Variants in WDSUB1 observed in about 807,000 individuals in gnomAD.
The protein encoded by WDSUB1 is WD repeat, SAM and U-box domain-containing protein 1.
In WDSUB1, 49 loss-of-function variants were observed where a neutral mutation model predicts 53.9. That is an observed-to-expected ratio of 0.91 (90% CI 0.72 to 1.15). The LOEUF is 1.15. Ranked by LOEUF, WDSUB1 falls within the 50% of genes most tolerant of loss-of-function variation. WDSUB1 has a pLI of 0.00. For synonymous variants in WDSUB1, 194 were observed against 200.6 expected, an observed-to-expected ratio of 0.97 and a Z score of 0.28; for missense variants, 514 against 562.0, an observed-to-expected ratio of 0.91 and a Z score of 0.86.
chr2:159,242,673 G>A (rs1356144968), intron 10 of WDSUB1, among the ~76,000 whole-genome samples: 2 of 147,608 alleles, frequency 1.4e-5, no homozygotes, highest in Non-Finnish European at 2.9e-5. Flanking sequence ...AATAAAGTAT[G>A]CATCATAACT....
Position 159,286,683 on chromosome 2 carries a change from G to C in WDSUB1, c.-125C>G, listed in dbSNP as rs2061809905. Reference sequence around the variant, plus strand: ...GGCTGGCGGGGCGGGCGCCGGCGGAGACCCAGAGCAGAGGGAACAGGCCCC... The same window carrying C: ...GGCTGGCGGGGCGGGCGCCGGCGGACACCCAGAGCAGAGGGAACAGGCCCC... On this transcript the variant is annotated 5_prime_UTR_variant, in exon 1 of 11. Transcript: ENST00000359774. 6.6e-6 allele frequency: 1 copy of C among 152,394 alleles called. No homozygotes were observed. Among genetic ancestry groups the C allele is most frequent in the Non-Finnish European group, 1.5e-5 (1 of 68,288 alleles). 9.4% of individuals were successfully genotyped at this position (152,394 alleles called of 1,614,324 possible).
intron 5 of WDSUB1, among the ~76,000 whole-genome samples, chr2:159,261,050 C>G (rs967784672): frequency 6.6e-6 from 1 of 152,136 alleles, no homozygotes; most frequent in African/African-American, 2.4e-5. Context: ...AACACAAGAA[C>G]TTGGGAAGCA....
At position 159,256,292 on chromosome 2, in the gene WDSUB1, A is replaced by C. The variant is rs757222633; in HGVS notation, c.1036T>G (p.Leu346Val). 6.2e-7 allele frequency: 1 copy of C among 1,612,202 alleles called. No individual in the cohort carries two copies. The highest frequency in any genetic ancestry group is 8.5e-7 in the Non-Finnish European group (1 of 1,179,294). The change falls in exon 9 of 11, where the codon TTA becomes GTA. Residue 346 changes from leucine (L) to valine (V), a missense_variant. Transcript: ENST00000359774. ...TTGAAAATACCAACAAGATCTTTTA[A>C]ATCTTGTGCACAAAGCCATGTTGAG... ...DVSTWLCAQD[L>V]KDLVGIFKMN...
chr2:159,255,454 G>C, intron 9 of WDSUB1, among the ~76,000 whole-genome samples: 1 of 151,922 alleles, frequency 6.6e-6, no homozygotes, highest in Middle Eastern at 3.4e-3. Context: ...GTGACAGAGC[G>C]AGACTCCATC....
chr2:159,271,665 T>C (rs747317130), intron 5 of WDSUB1, 37 bp downstream of exon 5: 2 of 1,545,840 alleles, frequency 1.3e-6, no homozygotes, highest in Non-Finnish European at 8.9e-7. Context: ...TGATTTCATA[T>C]AAAAATGGTT....
At chr2:159,283,382 A>G (rs564052271) in intron 1 of WDSUB1, among the ~76,000 whole-genome samples, 12 of 152,284 alleles carry the variant, frequency 7.9e-5, no homozygotes, top group African/African-American at 2.6e-4. Context: ...GGCGCAGTTC[A>G]TAATAGGGTT....
intron 1 of WDSUB1, among the ~76,000 whole-genome samples, chr2:159,284,091 C>G (rs1302771596): frequency 6.6e-6 from 1 of 152,144 alleles, no homozygotes; most frequent in Non-Finnish European, 1.5e-5. Context: ...GGATAACCAG[C>G]GTGAGCCACC....
rs111752652 is a variant in WDSUB1 at position 159,280,708 on chromosome 2, A to AAAAAAAAAAAAAAAAAAAAAC, written c.399-764_399-763insGTTTTTTTTTTTTTTTTTTTT. 9.7e-4 allele frequency among the ~76,000 whole-genome samples: 130 copies of AAAAAAAAAAAAAAAAAAAAAC among 134,298 alleles called. 7 individuals are homozygous for AAAAAAAAAAAAAAAAAAAAAC. Among genetic ancestry groups the AAAAAAAAAAAAAAAAAAAAAC allele is most frequent in the Middle Eastern group, 3.8e-3 (1 of 262 alleles). The allele number at this position is 134,298 out of a possible 152,430, so 88.1% of individuals were successfully genotyped here. A position where few individuals can be genotyped will look rare whatever the true frequency, so the allele number is the denominator to read the frequency against. On this transcript the variant is annotated intron_variant, in intron 2 of 10. Transcript: ENST00000359774. ...TCCGTCTCAAAAAAAAAAAAAAAAA[A>AAAAAAAAAAAAAAAAAAAAAC]ATTACCCAGAAGCAATGGCGAGGTC... is the stretch of plus-strand genomic sequence containing the variant.
intron 10 of WDSUB1, among the ~76,000 whole-genome samples, chr2:159,246,071 A>G (rs1409697959): frequency 6.6e-6 from 1 of 152,224 alleles, no homozygotes; most frequent in Non-Finnish European, 1.5e-5. Context: ...GAAATGATAT[A>G]TGACTGGATA....
intron 9 of WDSUB1, among the ~76,000 whole-genome samples, chr2:159,252,508 A>G (rs2151079198): frequency 6.6e-6 from 1 of 152,344 alleles, no homozygotes; most frequent in African/African-American, 2.4e-5. Context: ...ACAAGTAAGC[A>G]CTGGAAGGGA....
chr2:159,266,280 C>G (rs6761560), intron 5 of WDSUB1, among the ~76,000 whole-genome samples: 69,501 of 151,418 alleles, frequency 0.46, 17,111 homozygotes, highest in Non-Finnish European at 0.56. Context: ...GCACCGCCTC[C>G]CGGGTTCACG....
At position 159,282,751 on chromosome 2, in the gene WDSUB1, G is replaced by A. The variant is rs1400770452; in HGVS notation, c.319C>T (p.Pro107Ser). 2.5e-6 allele frequency: 4 copies of A among 1,614,030 alleles called. No homozygotes were observed. Among genetic ancestry groups the A allele is most frequent in the Non-Finnish European group, 3.4e-6 (4 of 1,180,038 alleles). Residue 107 changes from proline (P) to serine (S), a missense_variant, in exon 2 of 11, where the codon CCA becomes TCA. Physicochemically the swap from Pro to Ser is moderately conservative, Grantham distance 74. Coordinates refer to ENST00000359774, the MANE Select transcript of WDSUB1 (RefSeq NM_001128212.3). Reference sequence around the variant, plus strand: ...CCTGATGCCAAACACGTGGAGTCTGGGGAAAACTGGCAAACCCTCACAGGG... The same window carrying A: ...CCTGATGCCAAACACGTGGAGTCTGAGGAAAACTGGCAAACCCTCACAGGG... ...GSPVRVCQFS[P>S]DSTCLASGAA...
rs578167737 is a variant in WDSUB1 at position 159,285,621 on chromosome 2, A to T, written c.-25+962T>A. 3.3e-5 allele frequency among the ~76,000 whole-genome samples: 5 copies of T among 152,242 alleles called. No homozygotes were observed. In the South Asian group the frequency reaches 1.0e-3, roughly 32 times the overall value. On this transcript the variant is annotated intron_variant, in intron 1 of 10. Transcript: ENST00000359774. The stretch of plus-strand genomic sequence containing the variant: ...CTCGAGAAGCTGAGGCGGGAGCATC[A>T]CTTGAGCCCCGGAGGTGACGCCGGC...
intron 10 of WDSUB1, among the ~76,000 whole-genome samples, chr2:159,236,636 A>G (rs1314238606): frequency 1.3e-5 from 2 of 151,270 alleles, no homozygotes; most frequent in African/African-American, 4.9e-5. Context: ...AGGATTTGAC[A>G]GCGAAGGGAC....
At chr2:159,271,622 T>C in intron 5 of WDSUB1, 80 bp downstream of exon 5, 4 of 1,220,056 alleles carry the variant, frequency 3.3e-6, no homozygotes, top group South Asian at 1.2e-5. Flanking sequence ...AAGCTATTCT[T>C]TGAGGTTTCA....
intron 10 of WDSUB1, among the ~76,000 whole-genome samples, chr2:159,238,018 CCTACAGCCTAACCAACA>C (rs2060533480): frequency 6.6e-6 from 1 of 152,128 alleles, no homozygotes; most frequent in Non-Finnish European, 1.5e-5. Flanking sequence ...GCCTTTTTCC[CCTACAGCCTAACCAACA>C]GTATATGTTG....
chr2:159,282,631 A>T (rs1471899491), intron 2 of WDSUB1, 41 bp downstream of exon 2: 44 of 1,569,664 alleles, frequency 2.8e-5, no homozygotes, highest in Non-Finnish European at 3.6e-5. Flanking sequence ...AAGTACACCT[A>T]GTCAACAGGA....
At chr2:159,284,768 T>C (rs2061751991) in intron 1 of WDSUB1, among the ~76,000 whole-genome samples, 1 of 152,234 alleles carries the variant, frequency 6.6e-6, no homozygotes, top group Non-Finnish European at 1.5e-5. Context: ...CAGTCTTATG[T>C]AATCAAAATC....
chr2:159,276,979 T>C (rs1241168309), intron 3 of WDSUB1, among the ~76,000 whole-genome samples: 1 of 152,190 alleles, frequency 6.6e-6, no homozygotes, highest in African/African-American at 2.4e-5. Context: ...CACTCTAGCC[T>C]GGATGACGGA....
Sources: allele counts gnomAD v4.1 joint callset (sites outside exome capture counted in the v4.1 genomes callset), GRCh38; gene constraint gnomAD v4.1.1; transcripts MANE v1.5; gene names NCBI Gene and HGNC (gene_info 2026-07-23, HGNC 2026-07-21).